Variants in THOC1 observed in about 807,000 individuals in gnomAD.
THOC1 encodes THO complex subunit 1.
A neutral mutation model predicts 97.3 loss-of-function variants in THOC1; 29 were observed. The observed-to-expected ratio is 0.30, with a 90% CI of 0.22 to 0.41. THOC1 has a LOEUF of 0.41. THOC1 is among the 10% of genes least tolerant of loss of function. The probability of loss-of-function intolerance (pLI) is 1.00; values close to 1 mark genes in which losing one functional copy is unlikely to be tolerated. For missense variants in THOC1, 529 were observed against 761.9 expected, an observed-to-expected ratio of 0.69 and a Z score of 3.60; for synonymous variants, 255 against 257.0, an observed-to-expected ratio of 0.99 and a Z score of 0.07.
rs9951200 is a variant in THOC1 at position 243,243 on chromosome 18, A to C, written c.918+3081T>G. Among the ~76,000 whole-genome samples, 205 of 152,286 alleles carry C rather than the reference A, an allele frequency of 1.3e-3. 1 individual carries two copies. Among genetic ancestry groups the C allele is most frequent in the African/African-American group, 4.5e-3 (186 of 41,552 alleles). ...CTTAATCCTGAAAGTTCATGTTCTA[A>C]CTGCTGGTGAAAGCAAGTTCACAAA... On this transcript the variant is annotated intron_variant, in intron 11 of 20. Transcript: ENST00000261600.
Position 214,927 on chromosome 18 carries a change from A to C in THOC1, c.1679-6T>G. 6.2e-7 allele frequency: 1 copy of C among 1,612,892 alleles called. No individual in the cohort carries two copies. Among genetic ancestry groups the C allele is most frequent in the Non-Finnish European group, 8.5e-7 (1 of 1,179,332 alleles). On this transcript the variant is annotated splice_region_variant and splice_polypyrimidine_tract_variant and intron_variant, in intron 20 of 20. Coordinates refer to ENST00000261600, the MANE Select transcript of THOC1 (RefSeq NM_005131.3). ...GTCTCGCCGAACATCAGGACCTAGAAAATGAAGAGAATATAAATTATGCGC... is the reference window on the plus strand; with the variant it reads ...GTCTCGCCGAACATCAGGACCTAGACAATGAAGAGAATATAAATTATGCGC...
chr18:267,912 A>G, intron 1 of THOC1, 54 bp downstream of exon 1: 1 of 1,534,180 alleles, frequency 6.5e-7, no homozygotes, highest in Non-Finnish European at 8.9e-7. Context: ...TTCAGGGAGA[A>G]GAGGACAAAG....
rs559877838 is a variant in THOC1, at chr18:227,993, T to C, written c.919-1092A>G. ...GCCTTCCAGTCAGGTTTCCCTCACGTTTAAGGATTGAATATATTTGATTGT... is the reference window on the plus strand; with the variant it reads ...GCCTTCCAGTCAGGTTTCCCTCACGCTTAAGGATTGAATATATTTGATTGT... On this transcript the variant is annotated intron_variant, in intron 11 of 20. Coordinates refer to ENST00000261600, the MANE Select transcript of THOC1 (RefSeq NM_005131.3). 8.5e-5 allele frequency among the ~76,000 whole-genome samples: 13 copies of C among 152,096 alleles called. No homozygotes were observed. The East Asian group carries it at 9.6e-4, about 11-fold the overall frequency.
chr18:250,752 ACAGAGG>A (rs1464541644), intron 9 of THOC1, among the ~76,000 whole-genome samples: 2 of 152,208 alleles, frequency 1.3e-5, no homozygotes, highest in Non-Finnish European at 1.5e-5. Context: ...AGTGACTGTG[ACAGAGG>A]CAGCTGAGTG....
intron 19 of THOC1, among the ~76,000 whole-genome samples, chr18:215,966 A>ATTTTTTTTTTTTTTTTTTTTTTTTTTTTT (rs774553054): frequency 6.6e-6 from 1 of 152,240 alleles, no homozygotes; most frequent in Admixed American, 6.5e-5. Flanking sequence ...ACGAACTTTA[A>ATTTTTTTTTTTTTTTTTTTTTTTTTTTTT]TTTTTTGAGA....
In THOC1 at chr18:264,052, G is replaced by T; in HGVS notation, c.230C>A (p.Ser77Tyr). ...TTCAGTTACTCCCCCAATAGCAAGA[G>T]AAATAATAGCTAAAACGTTTTCACA... The part of the protein sequence containing the change: ...SSCENVLAII[S>Y]LAIGGVTEGI... The change falls in exon 4 of 21, where the codon TCT becomes TAT. Residue 77 changes from serine (S) to tyrosine (Y), a missense_variant. This residue lies in a region of THOC1 where 114 missense variants were observed against 97.4 expected (regional missense o/e 1.17). Transcript: ENST00000261600. 1 of 1,612,460 alleles carries T rather than the reference G, an allele frequency of 6.2e-7. No individual in the cohort carries two copies. The highest frequency in any genetic ancestry group is 8.5e-7 in the Non-Finnish European group (1 of 1,178,990).
chr18:251,230 AG>A (rs1487402307), intron 9 of THOC1, among the ~76,000 whole-genome samples: 20 of 152,316 alleles, frequency 1.3e-4, no homozygotes, highest in Admixed American at 9.8e-4. Context: ...TCACATGACT[AG>A]GAAGTATTGG....
At chr18:226,666 G>T (rs1055042881) in intron 12 of THOC1, 135 bp downstream of exon 12, 7 of 592,444 alleles carry the variant, frequency 1.2e-5, no homozygotes, top group Non-Finnish European at 2.0e-5. Flanking sequence ...AGCCTTCAAT[G>T]TATCAGCTGC....
intron 3 of THOC1, 97 bp from the exon 4 acceptor site, chr18:264,189 C>A: frequency 1.3e-6 from 1 of 768,176 alleles, no homozygotes; most frequent in Non-Finnish European, 2.1e-6. Context: ...AATTGACTAT[C>A]AGAAATATGG....
At chr18:215,060 G>GT in intron 20 of THOC1, 139 bp from the exon 21 acceptor site, 2 of 773,138 alleles carry the variant, frequency 2.6e-6, no homozygotes, top group Non-Finnish European at 4.1e-6. Flanking sequence ...TATATTCTCC[G>GT]TAAGTTGAAT....
intron 15 of THOC1, 137 bp from the exon 16 acceptor site, chr18:224,316 T>C (rs1911199748): frequency 3.0e-6 from 2 of 664,238 alleles, no homozygotes; most frequent in East Asian, 3.2e-5. Context: ...TGGTGGCTCA[T>C]GCCTGTAATC....
chr18:230,681 T>C (rs1911454257), intron 11 of THOC1, among the ~76,000 whole-genome samples: 1 of 152,208 alleles, frequency 6.6e-6, no homozygotes, highest in Non-Finnish European at 1.5e-5. Flanking sequence ...AGTTCCATTT[T>C]TCTTTGGTTA....
intron 18 of THOC1, among the ~76,000 whole-genome samples, chr18:217,613 G>A (rs373245048): frequency 6.6e-6 from 1 of 152,128 alleles, no homozygotes; most frequent in Non-Finnish European, 1.5e-5. Context: ...AAACACACAA[G>A]GTATAAGACA....
rs761030306 is a variant in THOC1, at chr18:216,489, T to G, written c.1599A>C (p.Leu533Phe). Residue 533 changes from leucine to phenylalanine, a missense_variant, in exon 19 of 21, where the codon TTA becomes TTC. Physicochemically the swap from Leu to Phe is conservative, Grantham distance 22. This residue lies in a region of THOC1 where 27 missense variants were observed against 80.6 expected (regional missense o/e 0.33). Coordinates refer to ENST00000261600, the MANE Select transcript of THOC1 (RefSeq NM_005131.3). The stretch of plus-strand genomic sequence containing the variant: ...AAAGTTGATCTATGGTACTTACCGG[T>G]AATTCCTTGGCTAGCTTTATTACCA... Reference protein sequence around the residue: ...ENMVIKLAKELPPPSEEIKTG... With the variant: ...ENMVIKLAKEFPPPSEEIKTG... 1 of 1,613,678 alleles carries G rather than the reference T, an allele frequency of 6.2e-7. No homozygotes were observed.
chr18:261,736 T>C (rs1912613012), intron 4 of THOC1, among the ~76,000 whole-genome samples: 1 of 152,238 alleles, frequency 6.6e-6, no homozygotes, highest in Admixed American at 6.5e-5. Context: ...TTTCTGCCCT[T>C]AGTTGCAGTA....
At chr18:262,614 T>G (rs1450545242) in intron 4 of THOC1, among the ~76,000 whole-genome samples, 1 of 152,176 alleles carries the variant, frequency 6.6e-6, no homozygotes, top group Non-Finnish European at 1.5e-5. Flanking sequence ...TGAACACTGT[T>G]TGACTGAAAC....
chr18:220,686 ACTT>A (rs1225005544), intron 17 of THOC1, among the ~76,000 whole-genome samples: 9 of 152,176 alleles, frequency 5.9e-5, no homozygotes, highest in African/African-American at 2.2e-4. Context: ...TAAGGTTTCT[ACTT>A]CTGAATCTGA....
intron 11 of THOC1, among the ~76,000 whole-genome samples, chr18:227,213 A>C (rs897387214): frequency 3.9e-5 from 6 of 152,168 alleles, no homozygotes; most frequent in African/African-American, 1.4e-4. Context: ...ATGGTGGCAC[A>C]AAGCCTATTA....
chr18:254,213 C>T lies in THOC1; in HGVS notation c.603+60G>A. On this transcript the variant is annotated intron_variant, in intron 8 of 20. Coordinates refer to ENST00000261600, the MANE Select transcript of THOC1 (RefSeq NM_005131.3). The surrounding 1 kb of genome is among the most constrained non-coding windows in gnomAD (Gnocchi z 4.1). The stretch of plus-strand genomic sequence containing the variant: ...AAGTGTGAGCCACTGTGCCTGGACC[C>T]ACTATCTTAATAACAAACTTGCAAA... The T allele has an allele frequency of 2.5e-6, 3 of 1,196,046 alleles. No individual in the cohort carries two copies. Among genetic ancestry groups the T allele is most frequent in the Non-Finnish European group, 3.6e-6 (3 of 824,300 alleles). The allele number at this position is 1,196,046 out of a possible 1,614,324, so 74.1% of individuals were successfully genotyped here.
Sources: gnomAD v4.1 joint callset for allele counts (sites outside exome capture counted in the v4.1 genomes callset) on GRCh38, gnomAD v4.1.1 for gene constraint, gnomAD v4.1.1 regional missense constraint, Gnocchi (gnomAD v3.1) non-coding constraint, MANE v1.5 for transcripts, NCBI Gene and HGNC (gene_info 2026-07-23, HGNC 2026-07-21) for gene names.